KMT2A: variants seen among roughly 807,000 people sequenced by gnomAD.
The protein encoded by KMT2A is histone-lysine N-methyltransferase 2A.
Under a neutral mutation model 345.3 loss-of-function variants are expected in KMT2A, and 16 were observed. The observed-to-expected ratio is 0.05, with a 90% CI of 0.03 to 0.07. The LOEUF is 0.07. KMT2A is among the 10% of genes least tolerant of loss of function. The pLI, the probability that KMT2A is intolerant of heterozygous loss-of-function variation, is 1.00. For synonymous variants in KMT2A, 1,599 were observed against 1,778.6 expected, an observed-to-expected ratio of 0.90 and a Z score of 2.54; for missense variants, 3,272 against 4,841.6, an observed-to-expected ratio of 0.68 and a Z score of 9.62.
At chr11:118,437,684 C>CG (rs1949223438) in intron 1 of KMT2A, among the ~76,000 whole-genome samples, 5 of 151,696 alleles carry the variant, frequency 3.3e-5, no homozygotes, top group African/African-American at 1.2e-4. Flanking sequence ...TTCCCCCCCC[C>CG]GCCCCGTCTT....
chr11:118,479,554 C>A (rs1488942376), intron 5 of KMT2A, among the ~76,000 whole-genome samples: 1 of 152,088 alleles, frequency 6.6e-6, no homozygotes, highest in Non-Finnish European at 1.5e-5. Flanking sequence ...TTTGGTCTGA[C>A]CTTAAACAAG....
chr11:118,484,272 A>G lies in KMT2A; in HGVS notation c.4176A>G (p.Lys1392=), dbSNP rs1555040241. ...TLSNGNSSKQ[K]IPADGVHRIR... ...CCAATGGCAATAGTTCTAAGCAAAA[A>G]ATTCCAGCAGATGGAGTCCACAGGA... is the stretch of plus-strand genomic sequence containing the variant. Residue 1392 remains lysine (K), a synonymous_variant, in exon 9 of 36, where the codon AAA becomes AAG. Coordinates refer to ENST00000534358, the MANE Select transcript of KMT2A (RefSeq NM_001197104.2). This position sits in a 1 kb window ranked among gnomAD's most constrained non-coding sequence, Gnocchi z 4.1. 15 of 1,614,188 alleles carry G rather than the reference A, an allele frequency of 9.3e-6. No individual in the cohort carries two copies. Among genetic ancestry groups the G allele is most frequent in the Non-Finnish European group, 1.3e-5 (15 of 1,180,022 alleles).
chr11:118,480,839 A>AT (rs1290870114), intron 6 of KMT2A, among the ~76,000 whole-genome samples: 3 of 151,208 alleles, frequency 2.0e-5, no homozygotes, highest in Non-Finnish European at 3.0e-5. Flanking sequence ...ATTTTTGTAA[A>AT]TTTTTTTTGC....
At chr11:118,514,976 T>C (rs111405302) in intron 31 of KMT2A, among the ~76,000 whole-genome samples, 16,596 of 151,778 alleles carry the variant, frequency 0.11, 1,487 homozygotes, top group African/African-American at 0.24. Flanking sequence ...ACCGTGCTGG[T>C]CAGGCTACTC....
chr11:118,526,043 T>C lies in KMT2A; in HGVS notation c.*3871T>C. On this transcript the variant is annotated 3_prime_UTR_variant, in exon 36 of 36. Coordinates refer to ENST00000534358, the MANE Select transcript of KMT2A (RefSeq NM_001197104.2). ...ATGTAACAAAGCCTAGTTCAGTCCA[T>C]GGCTTTTAATTCTCTTAACACTATA... is the stretch of plus-strand genomic sequence containing the variant. 4.6e-6 allele frequency: 1 copy of C among 219,226 alleles called. No homozygotes were observed. Among genetic ancestry groups the C allele is most frequent in the Non-Finnish European group, 9.2e-6 (1 of 109,244 alleles). The allele number at this position is 219,226 out of a possible 1,614,324, so 13.6% of individuals were successfully genotyped here. A position where few individuals can be genotyped will look rare whatever the true frequency, so the allele number is the denominator to read the frequency against.
chr11:118,482,553 A>G (rs190528642), intron 8 of KMT2A, 58 bp downstream of exon 8: 3 of 1,283,432 alleles, frequency 2.3e-6, no homozygotes, highest in Admixed American at 3.7e-5. Context: ...TTTGTAGGGA[A>G]AAGCCTTATC....
chr11:118,498,441 C>T lies in KMT2A; in HGVS notation c.5874C>T (p.His1958=), dbSNP rs782712242. ...CCLTSCTSNY[H]FMCSRAKNCV... ...TCACATCCTGCACCAGCAACTATCACTTCATGTGTTCCCGAGCCAAGAACT... is the reference window on the plus strand; with the variant it reads ...TCACATCCTGCACCAGCAACTATCATTTCATGTGTTCCCGAGCCAAGAACT... Residue 1958 remains histidine (H), a synonymous_variant, in exon 22 of 36, where the codon CAC becomes CAT. Coordinates refer to ENST00000534358, the MANE Select transcript of KMT2A (RefSeq NM_001197104.2). This position sits in a 1 kb window ranked among gnomAD's most constrained non-coding sequence, Gnocchi z 4.4. 6.2e-7 allele frequency: 1 copy of T among 1,613,616 alleles called. No individual in the cohort carries two copies. The highest frequency in any genetic ancestry group is 8.5e-7 in the Non-Finnish European group (1 of 1,179,942).
chr11:118,455,285 G>C (rs1949620408), intron 1 of KMT2A, among the ~76,000 whole-genome samples: 1 of 152,072 alleles, frequency 6.6e-6, no homozygotes, highest in Non-Finnish European at 1.5e-5. Flanking sequence ...TTCTTTACAT[G>C]TATCTTGAGA....
Position 118,495,021 on chromosome 11 carries a change from C to T in KMT2A, c.5363+254C>T, listed in dbSNP as rs1555043563. Among the ~76,000 whole-genome samples, 1 of 152,150 alleles carries T rather than the reference C, an allele frequency of 6.6e-6. No individual in the cohort carries two copies. Among genetic ancestry groups the T allele is most frequent in the Non-Finnish European group, 1.5e-5 (1 of 68,028 alleles). On this transcript the variant is annotated intron_variant, in intron 18 of 35. Coordinates refer to ENST00000534358, the MANE Select transcript of KMT2A (RefSeq NM_001197104.2). The surrounding 1 kb of genome is among the most constrained non-coding windows in gnomAD (Gnocchi z 4.1). ...ACAAATGTACAATACATGTGTGGTACAGCCATGTAGCTGGCCTTGTTATAA... is the reference window on the plus strand; with the variant it reads ...ACAAATGTACAATACATGTGTGGTATAGCCATGTAGCTGGCCTTGTTATAA...
rs1210116424 is a variant in KMT2A at position 118,522,216 on chromosome 11, C to T, written c.*44C>T. On this transcript the variant is annotated 3_prime_UTR_variant, in exon 36 of 36. Transcript: ENST00000534358. This position sits in a 1 kb window ranked among gnomAD's most constrained non-coding sequence, Gnocchi z 5.4. ...GTGTTGGAGTGCAAGGAGGCGGGGC[C>T]ATCCAAAGCAACGCTGAAGGCCTTT... The T allele has an allele frequency of 6.3e-7, 1 of 1,599,338 alleles. No homozygotes were observed. The highest frequency in any genetic ancestry group is 8.5e-7 in the Non-Finnish European group (1 of 1,169,980).
At chr11:118,516,824 C>T (rs1229505210) in intron 31 of KMT2A, among the ~76,000 whole-genome samples, 3 of 152,176 alleles carry the variant, frequency 2.0e-5, no homozygotes, top group African/African-American at 4.8e-5. Context: ...GGTTTGTATA[C>T]GTCTCTGCCT....
rs1038415931 is a variant in KMT2A, at chr11:118,499,725, A to C, written c.6080-110A>C. On this transcript the variant is annotated intron_variant, in intron 23 of 35. Transcript: ENST00000534358. ...AACCCCGGAGGCAGAGGCTGCAGTG[A>C]GCTGAGATTGCGCCACTGCATTCCA... The C allele has an allele frequency of 2.5e-5, 20 of 803,216 alleles. No individual in the cohort carries two copies. The African/African-American group carries it at 2.7e-4, about 11-fold the overall frequency. 49.8% of individuals were successfully genotyped at this position (803,216 alleles called of 1,614,324 possible). A position where few individuals can be genotyped will look rare whatever the true frequency, so the allele number is the denominator to read the frequency against.
chr11:118,439,189 A>C, intron 1 of KMT2A: 3 of 401,108 alleles, frequency 7.5e-6, no homozygotes, highest in African/African-American at 2.1e-5. Flanking sequence ...AAAAGAAAAA[A>C]CTGACATTTC....
At position 118,521,429 on chromosome 11, in the gene KMT2A, A is replaced by G. The variant is rs1950965747; in HGVS notation, c.11643+12A>G. 6.2e-7 allele frequency: 1 copy of G among 1,613,608 alleles called. No homozygotes were observed. The highest frequency in any genetic ancestry group is 8.5e-7 in the Non-Finnish European group (1 of 1,179,720). On this transcript the variant is annotated intron_variant, in intron 35 of 35. Coordinates refer to ENST00000534358, the MANE Select transcript of KMT2A (RefSeq NM_001197104.2). The surrounding 1 kb of genome is among the most constrained non-coding windows in gnomAD (Gnocchi z 5.3). ...ATTACGACAGCAAGGTAAGTCTCCC[A>G]CTTGCACTCACACAGTTCTTTTGTT...
Position 118,523,594 on chromosome 11 carries a change from A to G in KMT2A, c.*1422A>G, listed in dbSNP as rs1453764383. Reference sequence around the variant, plus strand: ...GTAAATATATTTTGTATATTTTTCTATGAGAAGCACTTCATAGGGAGAAGC... The same window carrying G: ...GTAAATATATTTTGTATATTTTTCTGTGAGAAGCACTTCATAGGGAGAAGC... On this transcript the variant is annotated 3_prime_UTR_variant, in exon 36 of 36. Coordinates refer to ENST00000534358, the MANE Select transcript of KMT2A (RefSeq NM_001197104.2). The G allele has an allele frequency of 8.8e-6, 2 of 227,588 alleles. No homozygotes were observed. The highest frequency in any genetic ancestry group is 1.7e-5 in the Non-Finnish European group (2 of 114,454). 14.1% of individuals were successfully genotyped at this position (227,588 alleles called of 1,614,324 possible). A position where few individuals can be genotyped will look rare whatever the true frequency, so the allele number is the denominator to read the frequency against.
chr11:118,496,405 A>G lies in KMT2A; in HGVS notation c.5664+38A>G. Reference sequence around the variant, plus strand: ...CAACACAGGGCCCTAGTTAATACATACTCCAAAAGAACTGTTTGTCCTTGT... The same window carrying G: ...CAACACAGGGCCCTAGTTAATACATGCTCCAAAAGAACTGTTTGTCCTTGT... On this transcript the variant is annotated intron_variant, in intron 20 of 35. Transcript: ENST00000534358. This position sits in a 1 kb window ranked among gnomAD's most constrained non-coding sequence, Gnocchi z 4.7. 1 of 1,376,728 alleles carries G rather than the reference A, an allele frequency of 7.3e-7. No individual in the cohort carries two copies. Among genetic ancestry groups the G allele is most frequent in the Non-Finnish European group, 1.0e-6 (1 of 964,480 alleles). 85.3% of individuals were successfully genotyped at this position (1,376,728 alleles called of 1,614,324 possible).
In KMT2A at chr11:118,468,769, T is replaced by C. The variant is rs782454722; in HGVS notation, c.433-6T>C. The C allele has an allele frequency of 1.9e-6, 3 of 1,610,938 alleles. No individual in the cohort carries two copies. The highest frequency in any genetic ancestry group is 2.5e-6 in the Non-Finnish European group (3 of 1,177,436). ...CTGATTTTAAAATAATTTTCCTTTG[T>C]TGTAGGATGAGCAATTCTTAGGTTT... On this transcript the variant is annotated splice_polypyrimidine_tract_variant and splice_region_variant and intron_variant, in intron 1 of 35. Coordinates refer to ENST00000534358, the MANE Select transcript of KMT2A (RefSeq NM_001197104.2).
At position 118,503,456 on chromosome 11, in the gene KMT2A, A is replaced by G; in HGVS notation, c.7564A>G (p.Thr2522Ala). ...AKELQAPRKR[T>A]VKVTLTPLKM... ...GGAATTACAGGCACCACGGAAACGCACAGTCAAAGTGACACTGACACCTCT... is the reference window on the plus strand; with the variant it reads ...GGAATTACAGGCACCACGGAAACGCGCAGTCAAAGTGACACTGACACCTCT... The change falls in exon 27 of 36, where the codon ACA becomes GCA. Residue 2522 changes from threonine (T) to alanine (A), a missense_variant. Around this residue, in one of 27 missense-constraint regions of KMT2A, gnomAD observed 445 missense variants for 500.9 expected, o/e 0.89. Coordinates refer to ENST00000534358, the MANE Select transcript of KMT2A (RefSeq NM_001197104.2). The surrounding 1 kb of genome is among the most constrained non-coding windows in gnomAD (Gnocchi z 5.3). 6.2e-7 allele frequency: 1 copy of G among 1,614,204 alleles called. No individual in the cohort carries two copies. The highest frequency in any genetic ancestry group is 8.5e-7 in the Non-Finnish European group (1 of 1,180,010).
Position 118,484,099 on chromosome 11 carries a change from T to A in KMT2A, c.4087-84T>A. ...ATGTTTTTTAGATCTATTAATAAAA[T>A]TTGTCATTTGCATTATTATCTGTTG... is the stretch of plus-strand genomic sequence containing the variant. On this transcript the variant is annotated intron_variant, in intron 8 of 35. Coordinates refer to ENST00000534358, the MANE Select transcript of KMT2A (RefSeq NM_001197104.2). The surrounding 1 kb of genome is among the most constrained non-coding windows in gnomAD (Gnocchi z 4.1). The A allele has an allele frequency of 1.6e-6, 2 of 1,288,426 alleles. No homozygotes were observed. The highest frequency in any genetic ancestry group is 1.9e-4 in the Middle Eastern group (1 of 5,280). The allele number at this position is 1,288,426 out of a possible 1,614,324, so 79.8% of individuals were successfully genotyped here.
Sources: allele counts gnomAD v4.1 joint callset (sites outside exome capture counted in the v4.1 genomes callset), GRCh38; gene constraint gnomAD v4.1.1; regional missense constraint gnomAD v4.1.1; non-coding constraint Gnocchi (gnomAD v3.1); transcripts MANE v1.5; gene names NCBI Gene and HGNC (gene_info 2026-07-23, HGNC 2026-07-21).